FOXP1: variants seen among roughly 807,000 people sequenced by gnomAD.
FOXP1 encodes forkhead box protein P1.
Under a neutral mutation model 98.2 loss-of-function variants are expected in FOXP1, and 15 were observed. The ratio of observed to expected loss-of-function variants is 0.15; its 90% CI spans 0.10 to 0.24. FOXP1 has a LOEUF of 0.24. Among genes scored for constraint, FOXP1 ranks in the 10% least tolerant of loss-of-function variants. The probability of loss-of-function intolerance (pLI) is 1.00; values close to 1 mark genes in which losing one functional copy is unlikely to be tolerated. For synonymous variants in FOXP1, 371 were observed against 314.5 expected (o/e 1.18, Z -1.90); for missense variants, 633 against 848.5 (o/e 0.75, Z 3.15).
intron 6 of FOXP1, among the ~76,000 whole-genome samples, chr3:71,183,784 T>C (rs1307851460): frequency 3.3e-5 from 5 of 152,088 alleles, no homozygotes; most frequent in African/African-American, 1.2e-4. Context: ...GAAATAGATA[T>C]GCAAATTTGG....
intron 5 of FOXP1, among the ~76,000 whole-genome samples, chr3:71,204,682 G>A (rs2063904651): frequency 1.3e-5 from 2 of 152,150 alleles, no homozygotes; most frequent in Admixed American, 1.3e-4. Context: ...TAAGGAAGCA[G>A]ACAGAAAGAT....
rs1009395399 is a variant in FOXP1 at position 70,972,809 on chromosome 3, G to A, written c.1531-133C>T. 22 of 835,522 alleles carry A rather than the reference G, an allele frequency of 2.6e-5. No homozygotes were observed. In the African/African-American group the frequency reaches 3.8e-4, roughly 14 times the overall value. The allele number at this position is 835,522 out of a possible 1,614,324, so 51.8% of individuals were successfully genotyped here. Reference sequence around the variant, plus strand: ...AGCTGTAGCTACCACCCCCGTGGAGGACCTTCTCATGGTTAAGGATGTCTT... The same window carrying A: ...AGCTGTAGCTACCACCCCCGTGGAGAACCTTCTCATGGTTAAGGATGTCTT... On this transcript the variant is annotated intron_variant, in intron 17 of 20. Transcript: ENST00000649528.
intron 6 of FOXP1, among the ~76,000 whole-genome samples, chr3:71,168,583 A>G (rs1467737760): frequency 6.6e-6 from 1 of 152,254 alleles, no homozygotes; most frequent in Non-Finnish European, 1.5e-5. Flanking sequence ...CAAAAACAAA[A>G]TAACATTTCC....
intron 6 of FOXP1, among the ~76,000 whole-genome samples, chr3:71,175,003 C>T (rs1431190449): frequency 2.0e-5 from 3 of 151,706 alleles, no homozygotes; most frequent in Non-Finnish European, 4.4e-5. Context: ...AACCTCCGCC[C>T]CCGGGTTCAA....
At chr3:71,336,900 G>A (rs1309313281) in intron 4 of FOXP1, among the ~76,000 whole-genome samples, 2 of 152,184 alleles carry the variant, frequency 1.3e-5, no homozygotes, top group Non-Finnish European at 2.9e-5. Context: ...ATGTTGAACT[G>A]AGGATGCAAT....
At chr3:71,333,172 G>A (rs1389254114) in intron 4 of FOXP1, 2 of 152,164 alleles carry the variant, frequency 1.3e-5, no homozygotes, top group Non-Finnish European at 1.5e-5. Flanking sequence ...AAAACCAAGA[G>A]GAAAGATAAG....
intron 3 of FOXP1, among the ~76,000 whole-genome samples, chr3:71,424,217 T>C (rs774239741): frequency 1.9e-4 from 29 of 152,296 alleles, no homozygotes; most frequent in South Asian, 1.9e-3. Context: ...GAAGGGACAA[T>C]GATTTTGGCG....
At chr3:71,335,770 C>T (rs2076625083) in intron 4 of FOXP1, among the ~76,000 whole-genome samples, 2 of 151,838 alleles carry the variant, frequency 1.3e-5, no homozygotes, top group South Asian at 2.1e-4. Context: ...TTTGGGAGGC[C>T]GAGGCAGGTG....
At chr3:71,403,942 GAAGAA>G (rs2082113113) in intron 3 of FOXP1, among the ~76,000 whole-genome samples, 1 of 152,032 alleles carries the variant, frequency 6.6e-6, no homozygotes, top group South Asian at 2.1e-4. Context: ...GATGGCATGT[GAAGAA>G]AAGAATGTAA....
chr3:71,557,898 C>T (rs192996759), intron 2 of FOXP1, among the ~76,000 whole-genome samples: 1 of 152,328 alleles, frequency 6.6e-6, no homozygotes, highest in African/African-American at 2.4e-5. Context: ...CTCACTGCAA[C>T]CTCTGCCTCC....
At chr3:71,378,140 T>C (rs1042293503) in intron 3 of FOXP1, among the ~76,000 whole-genome samples, 1 of 148,116 alleles carries the variant, frequency 6.8e-6, no homozygotes, top group Non-Finnish European at 1.5e-5. Flanking sequence ...TAACATCAGA[T>C]GGACTAACAC....
chr3:71,064,322 C>G (rs1418540081), intron 7 of FOXP1, among the ~76,000 whole-genome samples: 1 of 152,142 alleles, frequency 6.6e-6, no homozygotes, highest in African/African-American at 2.4e-5. Context: ...ATGGAAGGCT[C>G]CTTGTATATT....
rs142848346 is a variant in FOXP1, at chr3:71,029,044, C to A, written c.869+12284G>T. Among the ~76,000 whole-genome samples the A allele has an allele frequency of 8.5e-5, 13 of 152,282 alleles. No homozygotes were observed. In the East Asian group the frequency reaches 2.5e-3, roughly 29 times the overall value. On this transcript the variant is annotated intron_variant, in intron 11 of 20. Coordinates refer to ENST00000649528, the MANE Select transcript of FOXP1 (RefSeq NM_001349338.3). ...CACGTGCCTCACCTCCTGCCGTGTG[C>A]CCTAATTCCTAACAGACCATAGACC...
chr3:71,402,556 T>G (rs1055753925), intron 3 of FOXP1, among the ~76,000 whole-genome samples: 25 of 152,246 alleles, frequency 1.6e-4, no homozygotes, highest in African/African-American at 5.3e-4. Context: ...GTAAGTGAGA[T>G]CTATACATGT....
intron 3 of FOXP1, among the ~76,000 whole-genome samples, chr3:71,424,245 A>C (rs1352976052): frequency 2.0e-5 from 3 of 152,246 alleles, no homozygotes; most frequent in Non-Finnish European, 4.4e-5. Flanking sequence ...AAACAGAGGC[A>C]TCACCTCCTC....
chr3:71,385,566 G>A (rs2080508192), intron 3 of FOXP1, among the ~76,000 whole-genome samples: 1 of 152,102 alleles, frequency 6.6e-6, no homozygotes, highest in Admixed American at 6.5e-5. Flanking sequence ...ATACATATGT[G>A]AGCATAAGAG....
At chr3:71,154,287 T>C (rs1482982419) in intron 6 of FOXP1, among the ~76,000 whole-genome samples, 1 of 152,164 alleles carries the variant, frequency 6.6e-6, no homozygotes, top group East Asian at 1.9e-4. Flanking sequence ...TAATACATTA[T>C]TATTAACTGC....
chr3:71,381,464 A>C (rs184876938), intron 3 of FOXP1, among the ~76,000 whole-genome samples: 104 of 101,978 alleles, frequency 1.0e-3, no homozygotes, highest in African/African-American at 3.7e-3. Flanking sequence ...TTTTTTTGAG[A>C]CAGGGTCTTG....
At chr3:71,386,774 T>A (rs901663861) in intron 3 of FOXP1, among the ~76,000 whole-genome samples, 1 of 150,378 alleles carries the variant, frequency 6.6e-6, no homozygotes, top group Non-Finnish European at 1.5e-5. Flanking sequence ...ATCACCTTCC[T>A]TGGAAGCTTA....
Sources: gnomAD v4.1 joint callset for allele counts (sites outside exome capture counted in the v4.1 genomes callset) on GRCh38, gnomAD v4.1.1 for gene constraint, MANE v1.5 for transcripts, NCBI Gene and HGNC (gene_info 2026-07-23, HGNC 2026-07-21) for gene names.